The following TYW1B variants were observed in gnomAD, a reference collection of about 807,000 sequenced individuals.
TYW1B encodes the protein tRNA-yW synthesizing protein 1 homolog B.
TYW1B carries 73 observed loss-of-function variants against 86.9 expected under a neutral mutation model. The observed-to-expected ratio is 0.84, with a 90% CI of 0.70 to 1.02. TYW1B has a LOEUF of 1.02. Ranked by LOEUF, TYW1B falls within the 50% of genes least tolerant of loss-of-function variation. The pLI is 0.00. For missense variants in TYW1B, 637 were observed against 827.4 expected, an observed-to-expected ratio of 0.77 and a Z score of 2.82; for synonymous variants, 248 against 292.8, an observed-to-expected ratio of 0.85 and a Z score of 1.56.
chr7:72,668,348 G>A (rs1554445708), intron 11 of TYW1B, among the ~76,000 whole-genome samples: 1 of 152,188 alleles, frequency 6.6e-6, no homozygotes, highest in Non-Finnish European at 1.5e-5. Flanking sequence ...CTCAGCTTCT[G>A]TCAAATGATT....
chr7:72,642,029 G>A (rs1812811497), intron 11 of TYW1B, among the ~76,000 whole-genome samples: 1 of 152,148 alleles, frequency 6.6e-6, no homozygotes. Flanking sequence ...GGATAAAAGT[G>A]AAGATCAAAG....
chr7:72,603,756 T>C (rs2129568115), intron 13 of TYW1B, among the ~76,000 whole-genome samples: 1 of 152,260 alleles, frequency 6.6e-6, no homozygotes, highest in African/African-American at 2.4e-5. Context: ...CTCAGTGATC[T>C]TCCTCCTAAA....
At chr7:72,674,376 G>A (rs557794961) in intron 11 of TYW1B, among the ~76,000 whole-genome samples, 31 of 152,214 alleles carry the variant, frequency 2.0e-4, no homozygotes, top group African/African-American at 7.2e-4. Flanking sequence ...TGTCTCCTTA[G>A]AGAAACACTT....
At chr7:72,683,357 G>A (rs1813924649) in intron 11 of TYW1B, among the ~76,000 whole-genome samples, 1 of 152,198 alleles carries the variant, frequency 6.6e-6, no homozygotes, top group Non-Finnish European at 1.5e-5. Context: ...ATCATTTGAG[G>A]TTAGGAGTTC....
At chr7:72,815,331 G>C (rs782347712) in intron 3 of TYW1B, 49 bp downstream of exon 3, 23 of 1,469,192 alleles carry the variant, frequency 1.6e-5, no homozygotes, top group Non-Finnish European at 2.0e-5. Flanking sequence ...GAAGATTGCA[G>C]ATCAGTTAAA....
chr7:72,786,309 T>C (rs1445994225), intron 6 of TYW1B, among the ~76,000 whole-genome samples: 5 of 151,948 alleles, frequency 3.3e-5, no homozygotes, highest in African/African-American at 4.8e-5. Context: ...TGGGAAAAAA[T>C]AGGTATCTTT....
chr7:72,723,392 T>C (rs1786940577), intron 9 of TYW1B, among the ~76,000 whole-genome samples: 1 of 152,086 alleles, frequency 6.6e-6, no homozygotes, highest in Admixed American at 6.6e-5. Context: ...TGACTATAAT[T>C]GCCATTTATA....
chr7:72,761,188 T>C lies in TYW1B; in HGVS notation c.964+16228A>G, dbSNP rs77970462. On this transcript the variant is annotated intron_variant, in intron 7 of 13. Coordinates refer to ENST00000620995, the MANE Select transcript of TYW1B (RefSeq NM_001145440.3). ...ATTAAATGTCTGGGTTATTTCCAACTAAGATTTTTAAAATTATGTTACAGG... is the reference window on the plus strand; with the variant it reads ...ATTAAATGTCTGGGTTATTTCCAACCAAGATTTTTAAAATTATGTTACAGG... Among the ~76,000 whole-genome samples the C allele has an allele frequency of 2.6e-3, 401 of 152,262 alleles. 1 individual carries two copies. Among genetic ancestry groups the C allele is most frequent in the African/African-American group, 9.0e-3 (376 of 41,560 alleles).
intron 2 of TYW1B, 129 bp from the exon 3 acceptor site, chr7:72,815,610 A>C: frequency 1.4e-6 from 1 of 738,294 alleles, no homozygotes; most frequent in Non-Finnish European, 2.3e-6. Flanking sequence ...ATGAACCCAA[A>C]TTCTATCCGC....
At chr7:72,747,159 A>T (rs1431035769) in intron 7 of TYW1B, among the ~76,000 whole-genome samples, 1 of 152,186 alleles carries the variant, frequency 6.6e-6, no homozygotes, top group Non-Finnish European at 1.5e-5. Flanking sequence ...AGCTCCCAGA[A>T]TTCCCACGTG....
chr7:72,684,645 G>A (rs142460484), intron 11 of TYW1B, among the ~76,000 whole-genome samples: 12,040 of 152,168 alleles, frequency 0.079, 539 homozygotes, highest in Non-Finnish European at 0.091. Flanking sequence ...GAACATCAGA[G>A]AAGGAGTAAA....
chr7:72,803,017 T>C (rs1563099316), intron 5 of TYW1B, among the ~76,000 whole-genome samples: 1 of 152,118 alleles, frequency 6.6e-6, no homozygotes, highest in Non-Finnish European at 1.5e-5. Flanking sequence ...GGGAGGACTT[T>C]GAAACCTCAG....
chr7:72,767,889 A>G (rs1787798748), intron 7 of TYW1B, among the ~76,000 whole-genome samples: 1 of 152,084 alleles, frequency 6.6e-6, no homozygotes, highest in African/African-American at 2.4e-5. Flanking sequence ...ATAAATCTTA[A>G]CCTTTACCTC....
intron 11 of TYW1B, among the ~76,000 whole-genome samples, chr7:72,651,523 G>A (rs1813056716): frequency 6.6e-6 from 1 of 152,142 alleles, no homozygotes; most frequent in African/African-American, 2.4e-5. Context: ...ACTGAGGCAG[G>A]AGAATTGCTT....
At chr7:72,827,881 CTCAAAAGGCAAAAGCCAGG>C (rs1435370956) in intron 1 of TYW1B, among the ~76,000 whole-genome samples, 172 bp downstream of exon 1, 1 of 152,234 alleles carries the variant, frequency 6.6e-6, no homozygotes, top group Non-Finnish European at 1.5e-5. Flanking sequence ...ACCCCCTAGC[CTCAAAAGGCAAAAGCCAGG>C]TCAAAAGTAG....
chr7:72,801,793 TC>T (rs1292974223), intron 6 of TYW1B, among the ~76,000 whole-genome samples: 6 of 152,100 alleles, frequency 3.9e-5, no homozygotes, highest in Non-Finnish European at 8.8e-5. Context: ...CATGCTGATC[TC>T]CACACCCACA....
At chr7:72,591,146 GC>G (rs1811386027) in intron 13 of TYW1B, among the ~76,000 whole-genome samples, 1 of 150,424 alleles carries the variant, frequency 6.6e-6, no homozygotes, top group South Asian at 2.1e-4. Context: ...CATCCGAATA[GC>G]AAAAAAAAAA....
intron 1 of TYW1B, among the ~76,000 whole-genome samples, chr7:72,827,406 T>C (rs1160200884): frequency 6.6e-6 from 1 of 151,740 alleles, no homozygotes; most frequent in East Asian, 1.9e-4. Context: ...AGGCTCCATC[T>C]CGTGGGGGGG....
chr7:72,662,836 G>A (rs1298734112), intron 11 of TYW1B, among the ~76,000 whole-genome samples: 4 of 152,098 alleles, frequency 2.6e-5, no homozygotes, highest in African/African-American at 9.7e-5. Context: ...AAATCAAATA[G>A]AACCCATATA....
Sources: gnomAD v4.1 joint callset for allele counts (sites outside exome capture counted in the v4.1 genomes callset) on GRCh38, gnomAD v4.1.1 for gene constraint, MANE v1.5 for transcripts, NCBI Gene and HGNC (gene_info 2026-07-23, HGNC 2026-07-21) for gene names.